GRHL2: variants seen among roughly 807,000 people sequenced by gnomAD.
The protein encoded by GRHL2 is grainyhead-like protein 2 homolog.
GRHL2 carries 21 observed loss-of-function variants against 83.8 expected under a neutral mutation model. That is an observed-to-expected ratio of 0.25 (90% CI 0.18 to 0.36). The LOEUF is 0.36. Among genes scored for constraint, GRHL2 ranks in the 10% least tolerant of loss-of-function variants. The probability of loss-of-function intolerance (pLI) is 1.00; values close to 1 mark genes in which losing one functional copy is unlikely to be tolerated. For missense variants in GRHL2, 623 were observed against 781.8 expected, an observed-to-expected ratio of 0.80 and a Z score of 2.42; for synonymous variants, 280 against 278.9, an observed-to-expected ratio of 1.00 and a Z score of -0.04.
chr8:101,671,002 A>AGG (rs1397209090), downstream of GRHL2, among the ~76,000 whole-genome samples: 3 of 152,182 alleles, frequency 2.0e-5, no homozygotes, highest in African/African-American at 7.2e-5. Flanking sequence ...AAGCAGCAAG[A>AGG]AAGAGGAAGA....
chr8:101,669,522 T>C lies in GRHL2; in HGVS notation c.*2819T>C, dbSNP rs1219533985. On this transcript the variant is annotated 3_prime_UTR_variant, in exon 16 of 16. Transcript: ENST00000646743. Reference sequence around the variant, plus strand: ...ACAGAAATAGAGGGTTTGTGCCAAATGCTATGAACGGCCCTTTCTTAAAGA... The same window carrying C: ...ACAGAAATAGAGGGTTTGTGCCAAACGCTATGAACGGCCCTTTCTTAAAGA... 1.3e-5 allele frequency: 2 copies of C among 152,308 alleles called. No homozygotes were observed. Among genetic ancestry groups the C allele is most frequent in the African/African-American group, 4.8e-5 (2 of 41,334 alleles). 9.4% of individuals were successfully genotyped at this position (152,308 alleles called of 1,614,324 possible).
At chr8:101,585,105 A>G (rs146450999) in intron 7 of GRHL2, among the ~76,000 whole-genome samples, 46 of 152,354 alleles carry the variant, frequency 3.0e-4, no homozygotes, top group African/African-American at 9.9e-4. Flanking sequence ...GTGATCACGT[A>G]GTGTGAATTT....
intron 14 of GRHL2, among the ~76,000 whole-genome samples, chr8:101,656,051 G>T (rs947788725): frequency 4.6e-5 from 7 of 152,210 alleles, no homozygotes; most frequent in Admixed American, 3.3e-4. Flanking sequence ...TGCTTTATCA[G>T]ATGGGCCTTC....
intron 9 of GRHL2, among the ~76,000 whole-genome samples, chr8:101,627,717 A>C (rs1384865483): frequency 6.6e-6 from 1 of 152,160 alleles, no homozygotes; most frequent in Non-Finnish European, 1.5e-5. Context: ...CAACGTGCGA[A>C]TGCAAAGGAA....
intron 14 of GRHL2, among the ~76,000 whole-genome samples, chr8:101,652,360 T>TGTGTGTGTG (rs1813652358): frequency 4.0e-5 from 2 of 49,798 alleles, no homozygotes; most frequent in African/African-American, 3.0e-4. Context: ...GTGTGTGTGG[T>TGTGTGTGTG]GTGTGTGTGT....
intron 1 of GRHL2, among the ~76,000 whole-genome samples, chr8:101,493,682 T>TG (rs1423700145): frequency 7.9e-5 from 12 of 151,502 alleles, no homozygotes; most frequent in Non-Finnish European, 1.3e-4. Flanking sequence ...CGGGACTGCG[T>TG]GGGGCGCGCC....
chr8:101,584,815 G>A (rs554853797), intron 7 of GRHL2, among the ~76,000 whole-genome samples: 1 of 151,824 alleles, frequency 6.6e-6, no homozygotes, highest in South Asian at 2.1e-4. Context: ...AGGTGGCTAG[G>A]TGGTCAGGTG....
rs2129779689 is a variant in GRHL2 at position 101,666,977 on chromosome 8, A to G, written c.*274A>G. 1.8e-6 allele frequency: 1 copy of G among 546,304 alleles called. No homozygotes were observed. Among genetic ancestry groups the G allele is most frequent in the Non-Finnish European group, 3.3e-6 (1 of 302,456 alleles). 33.8% of individuals were successfully genotyped at this position (546,304 alleles called of 1,614,324 possible). The stretch of plus-strand genomic sequence containing the variant: ...TATTGCCCACCTTTTCCTGGAGCCC[A>G]GGTCCAGGCCCGCCAGGACTCTGCA... On this transcript the variant is annotated 3_prime_UTR_variant, in exon 16 of 16. Coordinates refer to ENST00000646743, the MANE Select transcript of GRHL2 (RefSeq NM_024915.4).
chr8:101,639,201 C>T (rs1813348975), intron 12 of GRHL2, among the ~76,000 whole-genome samples: 1 of 152,168 alleles, frequency 6.6e-6, no homozygotes. Flanking sequence ...TGTGTTGGCT[C>T]ACCCTGTGTT....
chr8:101,671,573 ACCTG>A, downstream of GRHL2, among the ~76,000 whole-genome samples: 1 of 152,190 alleles, frequency 6.6e-6, no homozygotes, highest in East Asian at 1.9e-4. Context: ...GCTCAAGGAG[ACCTG>A]CCTGCCTGCC....
At chr8:101,523,550 A>C (rs77184004) in intron 1 of GRHL2, among the ~76,000 whole-genome samples, 1,873 of 151,648 alleles carry the variant, frequency 0.012, 31 homozygotes, top group African/African-American at 0.043. Context: ...ATCACGGCTC[A>C]CTGCAACCTC....
chr8:101,561,541 C>A (rs1291659214), intron 4 of GRHL2, among the ~76,000 whole-genome samples: 1 of 152,172 alleles, frequency 6.6e-6, no homozygotes, highest in Non-Finnish European at 1.5e-5. Flanking sequence ...ATAAACCAAG[C>A]AGGAAATACT....
intron 4 of GRHL2, chr8:101,562,130 CT>C: frequency 1.5e-6 from 1 of 651,132 alleles, no homozygotes; most frequent in South Asian, 1.4e-5. Context: ...ATATCCTGAA[CT>C]TTTGTAGCTC....
chr8:101,524,617 A>G, intron 1 of GRHL2, among the ~76,000 whole-genome samples: 1 of 152,220 alleles, frequency 6.6e-6, no homozygotes, highest in African/African-American at 2.4e-5. Flanking sequence ...TATAATTTCA[A>G]AACATATAGT....
intron 1 of GRHL2, among the ~76,000 whole-genome samples, chr8:101,521,939 A>ATGTAC (rs1205418706): frequency 6.6e-6 from 1 of 152,162 alleles, no homozygotes; most frequent in Non-Finnish European, 1.5e-5. Flanking sequence ...CAGAGCCTGT[A>ATGTAC]GTACAGCAGG....
chr8:101,609,577 A>G (rs187192226), intron 8 of GRHL2, among the ~76,000 whole-genome samples: 5 of 151,280 alleles, frequency 3.3e-5, no homozygotes, highest in African/African-American at 4.9e-5. Flanking sequence ...TTGCAGCATT[A>G]TTTATGACAG....
intron 7 of GRHL2, among the ~76,000 whole-genome samples, chr8:101,579,834 C>A (rs1255541218): frequency 6.6e-6 from 1 of 152,176 alleles, no homozygotes; most frequent in Non-Finnish European, 1.5e-5. Context: ...TTTCTGAGGT[C>A]ACTCTTTGTC....
intron 1 of GRHL2, chr8:101,529,686 T>C (rs1434170223): frequency 6.5e-6 from 1 of 154,686 alleles, no homozygotes; most frequent in African/African-American, 2.4e-5. Context: ...TTTTTGCTCA[T>C]CTTGGGGCTT....
In GRHL2 at chr8:101,667,335, T is replaced by C. The variant is rs1488889662; in HGVS notation, c.*632T>C. On this transcript the variant is annotated 3_prime_UTR_variant, in exon 16 of 16. Transcript: ENST00000646743. ...AACACAGAAAGTCTGCCTGTCTGCATTGTACATAGTGTTTATAATATTGTA... is the reference window on the plus strand; with the variant it reads ...AACACAGAAAGTCTGCCTGTCTGCACTGTACATAGTGTTTATAATATTGTA... 1 of 170,080 alleles carries C rather than the reference T, an allele frequency of 5.9e-6. No individual in the cohort carries two copies. The highest frequency in any genetic ancestry group is 2.4e-5 in the African/African-American group (1 of 42,110). 10.5% of individuals were successfully genotyped at this position (170,080 alleles called of 1,614,324 possible). A position where few individuals can be genotyped will look rare whatever the true frequency, so the allele number is the denominator to read the frequency against.
Sources: allele counts gnomAD v4.1 joint callset (sites outside exome capture counted in the v4.1 genomes callset), GRCh38; gene constraint gnomAD v4.1.1; transcripts MANE v1.5; gene names NCBI Gene and HGNC (gene_info 2026-07-23, HGNC 2026-07-21).